Variants in CLSTN2 observed in about 807,000 individuals in gnomAD.
The protein encoded by CLSTN2 is calsyntenin-2.
A neutral mutation model predicts 101.2 loss-of-function variants in CLSTN2; 48 were observed. The observed-to-expected ratio is 0.47, with a 90% CI of 0.38 to 0.60. The LOEUF (loss-of-function observed/expected upper bound fraction) is 0.60. Among genes scored for constraint, CLSTN2 ranks in the 20% least tolerant of loss-of-function variants. The pLI, the probability that CLSTN2 is intolerant of heterozygous loss-of-function variation, is 0.00. For missense variants in CLSTN2, 1,160 were observed against 1,238.2 expected, an observed-to-expected ratio of 0.94 and a Z score of 0.95; for synonymous variants, 481 against 463.6, an observed-to-expected ratio of 1.04 and a Z score of -0.48.
At chr3:140,178,312 A>T (rs1317350286) in intron 2 of CLSTN2, among the ~76,000 whole-genome samples, 1 of 152,182 alleles carries the variant, frequency 6.6e-6, no homozygotes, top group Non-Finnish European at 1.5e-5. Flanking sequence ...TTTGTTGGTT[A>T]TAGGGCCGAA....
At chr3:140,468,905 A>G (rs1392597469) in intron 8 of CLSTN2, among the ~76,000 whole-genome samples, 2 of 152,222 alleles carry the variant, frequency 1.3e-5, no homozygotes, top group African/African-American at 4.8e-5. Context: ...GGCTGCCATA[A>G]CAAAGTATCA....
intron 1 of CLSTN2, among the ~76,000 whole-genome samples, chr3:140,008,128 G>C (rs2006995887): frequency 6.6e-6 from 1 of 152,228 alleles, no homozygotes; most frequent in Non-Finnish European, 1.5e-5. Context: ...ACACATGAAT[G>C]CCTGATTTCA....
Position 140,573,164 on chromosome 3 carries a change from G to C in CLSTN2, c.*6911G>C, listed in dbSNP as rs1028763591. The C allele has an allele frequency of 3.9e-5, 6 of 152,248 alleles. No homozygotes were observed. The highest frequency in any genetic ancestry group is 1.4e-4 in the African/African-American group (6 of 41,464). 9.4% of individuals were successfully genotyped at this position (152,248 alleles called of 1,614,324 possible). A position where few individuals can be genotyped will look rare whatever the true frequency, so the allele number is the denominator to read the frequency against. ...AGTGACCCTGGTCACTAGGAGAGCT[G>C]CTTTCTACACAGCCTGTATGCTGGT... On this transcript the variant is annotated 3_prime_UTR_variant, in exon 17 of 17. Coordinates refer to ENST00000458420, the MANE Select transcript of CLSTN2 (RefSeq NM_022131.3).
At chr3:140,433,248 G>A (rs2088653564) in intron 5 of CLSTN2, among the ~76,000 whole-genome samples, 1 of 152,194 alleles carries the variant, frequency 6.6e-6, no homozygotes, top group Non-Finnish European at 1.5e-5. Context: ...GGAGGTGGGA[G>A]GGGTATCACT....
At chr3:140,101,132 T>C (rs1193064952) in intron 1 of CLSTN2, among the ~76,000 whole-genome samples, 3 of 152,190 alleles carry the variant, frequency 2.0e-5, no homozygotes, top group Non-Finnish European at 2.9e-5. Context: ...TAAAATGTGG[T>C]TGATAATGTC....
chr3:139,939,948 A>G (rs1448277657), intron 1 of CLSTN2, among the ~76,000 whole-genome samples: 1 of 152,178 alleles, frequency 6.6e-6, no homozygotes, highest in Non-Finnish European at 1.5e-5. Context: ...TTCTCTGGGC[A>G]TCAAGCTAGT....
chr3:140,148,798 C>A (rs2009819447), intron 1 of CLSTN2, among the ~76,000 whole-genome samples: 1 of 152,148 alleles, frequency 6.6e-6, no homozygotes, highest in South Asian at 2.1e-4. Context: ...TCTAGGTCAG[C>A]TTCAGGATGA....
chr3:140,216,036 G>A (rs922155457), intron 2 of CLSTN2, among the ~76,000 whole-genome samples: 5 of 152,146 alleles, frequency 3.3e-5, no homozygotes, highest in African/African-American at 9.7e-5. Context: ...AGGTGAGCAG[G>A]GGGTGGGTGA....
intron 1 of CLSTN2, among the ~76,000 whole-genome samples, chr3:140,137,908 C>T (rs148499940): frequency 7.5e-4 from 114 of 152,288 alleles, no homozygotes; most frequent in African/African-American, 2.3e-3. Flanking sequence ...TGATTCCAAA[C>T]GCTTTCGCCT....
intron 2 of CLSTN2, among the ~76,000 whole-genome samples, chr3:140,387,432 C>T (rs2088065548): frequency 6.6e-6 from 1 of 152,220 alleles, no homozygotes; most frequent in African/African-American, 2.4e-5. Flanking sequence ...CTCCATTGGG[C>T]AGCCTGTGAG....
At chr3:140,403,928 G>C in intron 3 of CLSTN2, 104 bp downstream of exon 3, 1 of 993,156 alleles carries the variant, frequency 1.0e-6, no homozygotes, top group Non-Finnish European at 1.5e-6. Context: ...GTCACACAAT[G>C]GTGCTCCAAC....
chr3:140,565,173 C>A (rs139859115), intron 16 of CLSTN2, among the ~76,000 whole-genome samples: 2 of 152,272 alleles, frequency 1.3e-5, no homozygotes, highest in South Asian at 2.1e-4. Flanking sequence ...CAAGGGCCAA[C>A]CTTGTGATGT....
rs548889679 is a variant in CLSTN2 at position 140,529,581 on chromosome 3, T to C, written c.1345-2743T>C. Reference sequence around the variant, plus strand: ...CAATTACAGTTTGTCCCTGCAGTTCTAGCAGAGGGTCAATGTAGGTCTCTT... The same window carrying C: ...CAATTACAGTTTGTCCCTGCAGTTCCAGCAGAGGGTCAATGTAGGTCTCTT... On this transcript the variant is annotated intron_variant, in intron 8 of 16. Coordinates refer to ENST00000458420, the MANE Select transcript of CLSTN2 (RefSeq NM_022131.3). 2.0e-5 allele frequency among the ~76,000 whole-genome samples: 3 copies of C among 152,360 alleles called. No individual in the cohort carries two copies. In the South Asian group the frequency reaches 6.2e-4, roughly 32 times the overall value.
At position 140,576,780 on chromosome 3, in the gene CLSTN2, T is replaced by C. The variant is rs1559910273; in HGVS notation, c.*10527T>C. 1 of 152,230 alleles carries C rather than the reference T, an allele frequency of 6.6e-6. No homozygotes were observed. The highest frequency in any genetic ancestry group is 1.5e-5 in the Non-Finnish European group (1 of 68,048). The allele number at this position is 152,230 out of a possible 1,614,324, so 9.4% of individuals were successfully genotyped here. ...GCGGTGGACCAGTGTGTACCTGACA[T>C]GTATCAGACTTCTGAGCTCTTCAAG... On this transcript the variant is annotated 3_prime_UTR_variant, in exon 17 of 17. Transcript: ENST00000458420.
At chr3:140,558,544 G>C in intron 11 of CLSTN2, 96 bp from the exon 12 acceptor site, 1 of 926,732 alleles carries the variant, frequency 1.1e-6, no homozygotes, top group Non-Finnish European at 1.7e-6. Flanking sequence ...ACGATGCCTT[G>C]TTAAGAACTG....
chr3:140,053,191 T>C (rs1048195651), intron 1 of CLSTN2, among the ~76,000 whole-genome samples: 1 of 152,190 alleles, frequency 6.6e-6, no homozygotes, highest in Non-Finnish European at 1.5e-5. Context: ...GCTCCTGCCA[T>C]CCTCTGGACT....
At chr3:140,421,084 T>G in intron 4 of CLSTN2, 41 bp from the exon 5 acceptor site, 1 of 1,599,920 alleles carries the variant, frequency 6.3e-7, no homozygotes, top group Non-Finnish European at 8.5e-7. Flanking sequence ...CAAGTGCAGT[T>G]AAATTGACCT....
At chr3:140,488,406 TG>T in intron 8 of CLSTN2, among the ~76,000 whole-genome samples, 1 of 152,138 alleles carries the variant, frequency 6.6e-6, no homozygotes, top group Non-Finnish European at 1.5e-5. Flanking sequence ...TATCCTCATT[TG>T]TAAAATGAGG....
In CLSTN2 at chr3:140,546,450, G is replaced by A. The variant is rs559517424; in HGVS notation, c.1508-65G>A. On this transcript the variant is annotated intron_variant, in intron 9 of 16. Coordinates refer to ENST00000458420, the MANE Select transcript of CLSTN2 (RefSeq NM_022131.3). ...GGCGTCTTTGGCTGCATGGCCAAGT[G>A]GTGCCTTGAGGTGCTGTTTCCTACC... 12 of 1,532,106 alleles carry A rather than the reference G, an allele frequency of 7.8e-6. No individual in the cohort carries two copies. The South Asian group carries it at 1.1e-4, about 14-fold the overall frequency. The allele number at this position is 1,532,106 out of a possible 1,614,324, so 94.9% of individuals were successfully genotyped here.
Sources: gnomAD v4.1 joint callset for allele counts (sites outside exome capture counted in the v4.1 genomes callset) on GRCh38, gnomAD v4.1.1 for gene constraint, MANE v1.5 for transcripts, NCBI Gene and HGNC (gene_info 2026-07-23, HGNC 2026-07-21) for gene names.